The following HSD17B4 variants were observed in gnomAD, a reference collection of about 807,000 sequenced individuals.
The protein encoded by HSD17B4 is peroxisomal multifunctional enzyme type 2.
HSD17B4 carries 70 observed loss-of-function variants against 101.0 expected under a neutral mutation model. The observed-to-expected ratio is 0.69, with a 90% CI of 0.57 to 0.85. The LOEUF (loss-of-function observed/expected upper bound fraction) is 0.85. HSD17B4 is among the 40% of genes least tolerant of loss of function. The pLI is 0.00. For synonymous variants in HSD17B4, 347 were observed against 297.1 expected (o/e 1.17, Z -1.73); for missense variants, 984 against 892.4 (o/e 1.10, Z -1.31).
chr5:119,515,094 C>G (rs1752498341), intron 17 of HSD17B4, 48 bp downstream of exon 17: 4 of 1,014,298 alleles, frequency 3.9e-6, no homozygotes, highest in Non-Finnish European at 6.3e-6. Context: ...GTTGATGACA[C>G]TTTTTAATTT....
At chr5:119,473,525 GCC>G (rs1357150373) in intron 2 of HSD17B4, among the ~76,000 whole-genome samples, 1 of 151,694 alleles carries the variant, frequency 6.6e-6, no homozygotes, top group Non-Finnish European at 1.5e-5. Flanking sequence ...TTGCTATGTT[GCC>G]CAGGCTGGTG....
At chr5:119,526,976 T>C (rs1183486066) in intron 19 of HSD17B4, among the ~76,000 whole-genome samples, 157 bp from the exon 20 acceptor site, 1 of 152,056 alleles carries the variant, frequency 6.6e-6, no homozygotes, top group Non-Finnish European at 1.5e-5. Context: ...TTACTAATTT[T>C]ATCATATTAT....
chr5:119,468,114 CT>C (rs1259862476), intron 2 of HSD17B4, among the ~76,000 whole-genome samples: 2 of 151,494 alleles, frequency 1.3e-5, no homozygotes, highest in Non-Finnish European at 2.9e-5. Flanking sequence ...CTTTCTTTGT[CT>C]TTTATTGTCT....
chr5:119,509,397 C>G (rs1366806029), intron 16 of HSD17B4, 153 bp downstream of exon 16: 1 of 706,516 alleles, frequency 1.4e-6, no homozygotes, highest in Non-Finnish European at 2.6e-6. Flanking sequence ...AAGACCAGTC[C>G]CTCTTCTTCC....
chr5:119,497,788 A>G (rs548459320), intron 12 of HSD17B4, among the ~76,000 whole-genome samples: 4 of 152,368 alleles, frequency 2.6e-5, no homozygotes, highest in South Asian at 4.1e-4. Flanking sequence ...GAATTTGAAC[A>G]TAAGCTCAGA....
Position 119,475,878 on chromosome 5 carries a change from GT to G in HSD17B4, c.349+13del, listed in dbSNP as rs1187910536. 6.4e-6 allele frequency: 10 copies of G among 1,574,588 alleles called. No homozygotes were observed. The highest frequency in any genetic ancestry group is 7.9e-6 in the Non-Finnish European group (9 of 1,144,200). ...TAAGTGATGAAGACTGGGGTAAGTT[GT>G]TTTTAGTATTTCTCTGGGGAACATA... On this transcript the variant is annotated intron_variant, in intron 6 of 23. Transcript: ENST00000510025.
At chr5:119,509,062 ATTG>A in intron 15 of HSD17B4, 76 bp from the exon 16 acceptor site, 1 of 809,730 alleles carries the variant, frequency 1.2e-6, no homozygotes, top group Non-Finnish European at 2.1e-6. Context: ...CTTGACAGGA[ATTG>A]TTGAACCTAT....
intron 2 of HSD17B4, among the ~76,000 whole-genome samples, chr5:119,463,545 G>C (rs543227480): frequency 1.7e-5 from 2 of 120,472 alleles, no homozygotes; most frequent in African/African-American, 3.1e-5. Flanking sequence ...TTGCCTTTTT[G>C]ATAGTAGCCA....
intron 14 of HSD17B4, 106 bp downstream of exon 14, chr5:119,502,198 A>G (rs1020906031): frequency 1.0e-5 from 8 of 773,102 alleles, no homozygotes; most frequent in Non-Finnish European, 1.6e-5. Context: ...CTAATGAAAC[A>G]TATCACAAAT....
chr5:119,475,758 T>C, intron 5 of HSD17B4, 31 bp downstream of exon 5: 1 of 1,584,838 alleles, frequency 6.3e-7, no homozygotes, highest in South Asian at 1.1e-5. Context: ...TTTAGTGATG[T>C]GTGTATAATT....
chr5:119,466,776 A>G (rs1022671494), intron 2 of HSD17B4, among the ~76,000 whole-genome samples: 1 of 151,736 alleles, frequency 6.6e-6, no homozygotes, highest in African/African-American at 2.4e-5. Flanking sequence ...TTTAGTCTCA[A>G]TTTTGTTTAT....
At chr5:119,500,042 G>T (rs1332820435) in intron 13 of HSD17B4, among the ~76,000 whole-genome samples, 1 of 152,142 alleles carries the variant, frequency 6.6e-6, no homozygotes, top group East Asian at 1.9e-4. Context: ...TGGAGTAATT[G>T]TAAAGATTTC....
intron 2 of HSD17B4, 59 bp from the exon 3 acceptor site, chr5:119,473,849 C>A: frequency 1.0e-6 from 1 of 997,694 alleles, no homozygotes; most frequent in Non-Finnish European, 1.6e-6. Context: ...CACACACACA[C>A]ACACACATTT....
chr5:119,523,835 C>T (rs1164799309), intron 17 of HSD17B4, among the ~76,000 whole-genome samples: 1 of 152,048 alleles, frequency 6.6e-6, no homozygotes, highest in Non-Finnish European at 1.5e-5. Context: ...TTCTGTTAGC[C>T]TCTAAATGTT....
chr5:119,531,124 G>GTC (rs1230071589), intron 21 of HSD17B4, 142 bp from the exon 22 acceptor site: 18 of 743,900 alleles, frequency 2.4e-5, no homozygotes, highest in Admixed American at 6.6e-5. Flanking sequence ...AAATAAGAAA[G>GTC]TATGAAAGAC....
At chr5:119,509,799 G>A (rs1752008188) in intron 16 of HSD17B4, among the ~76,000 whole-genome samples, 1 of 152,180 alleles carries the variant, frequency 6.6e-6, no homozygotes, top group Non-Finnish European at 1.5e-5. Context: ...CATGGAATGT[G>A]CTGATTTCAG....
intron 2 of HSD17B4, among the ~76,000 whole-genome samples, chr5:119,459,932 G>C (rs1580505420): frequency 6.8e-6 from 1 of 147,360 alleles, no homozygotes; most frequent in African/African-American, 2.5e-5. Flanking sequence ...CTGCAGTGGC[G>C]CTATCTCGGC....
chr5:119,514,522 A>C (rs1276362972), intron 16 of HSD17B4, among the ~76,000 whole-genome samples: 2 of 152,220 alleles, frequency 1.3e-5, no homozygotes, highest in Non-Finnish European at 2.9e-5. Context: ...TGTTGGCATT[A>C]AGGGATCATA....
chr5:119,500,799 G>A (rs1278630660), intron 13 of HSD17B4, among the ~76,000 whole-genome samples: 1 of 152,120 alleles, frequency 6.6e-6, no homozygotes, highest in African/African-American at 2.4e-5. Flanking sequence ...TATTTGAGAA[G>A]CCAAATGAAT....
Sources: allele counts gnomAD v4.1 joint callset (sites outside exome capture counted in the v4.1 genomes callset), GRCh38; gene constraint gnomAD v4.1.1; transcripts MANE v1.5; gene names NCBI Gene and HGNC (gene_info 2026-07-23, HGNC 2026-07-21).